HPSE2: variants seen among roughly 807,000 people sequenced by gnomAD.
HPSE2 encodes the protein heparanase 2 (inactive).
A neutral mutation model predicts 60.5 loss-of-function variants in HPSE2; 38 were observed. The observed-to-expected ratio is 0.63, with a 90% CI of 0.48 to 0.82. The LOEUF (loss-of-function observed/expected upper bound fraction) is 0.82. Among genes scored for constraint, HPSE2 ranks in the 40% least tolerant of loss-of-function variants. HPSE2 has a pLI of 0.00. For missense variants in HPSE2, 713 were observed against 740.4 expected (o/e 0.96, Z 0.43); for synonymous variants, 295 against 293.2 (o/e 1.01, Z -0.06).
chr10:98,675,539 T>TACACACACACACACAC (rs774393556), intron 6 of HPSE2, among the ~76,000 whole-genome samples: 11 of 121,488 alleles, frequency 9.1e-5, no homozygotes, highest in African/African-American at 1.7e-4. Context: ...GATCCCTGTC[T>TACACACACACACACAC]ACACACACAC....
intron 3 of HPSE2, among the ~76,000 whole-genome samples, chr10:98,909,652 A>G (rs563749181): frequency 1.3e-5 from 2 of 150,854 alleles, no homozygotes; most frequent in Non-Finnish European, 3.0e-5. Context: ...AAAAAAAATG[A>G]AAAAAAAAGT....
At chr10:99,025,034 G>A (rs1957345137) in intron 3 of HPSE2, among the ~76,000 whole-genome samples, 1 of 152,068 alleles carries the variant, frequency 6.6e-6, no homozygotes, top group South Asian at 2.1e-4. Flanking sequence ...TTATAACATG[G>A]TAACTGTAGT....
At chr10:98,773,606 C>T (rs941152869) in intron 3 of HPSE2, among the ~76,000 whole-genome samples, 3 of 152,140 alleles carry the variant, frequency 2.0e-5, no homozygotes, top group African/African-American at 7.2e-5. Context: ...CTAAAAATCT[C>T]CACTTCTAAA....
At chr10:99,087,220 G>C (rs1843351726) in intron 3 of HPSE2, among the ~76,000 whole-genome samples, 2 of 152,216 alleles carry the variant, frequency 1.3e-5, no homozygotes, top group African/African-American at 4.8e-5. Context: ...AACTTAAATA[G>C]TAATGGGCGG....
At chr10:98,960,730 T>TTTTTTTG (rs1955647062) in intron 3 of HPSE2, among the ~76,000 whole-genome samples, 1 of 24,792 alleles carries the variant, frequency 4.0e-5, no homozygotes, top group Non-Finnish European at 9.1e-5. Flanking sequence ...TGTTTTATTT[T>TTTTTTTG]TTTTATTTTA....
chr10:99,132,169 G>A (rs865927774), intron 3 of HPSE2, among the ~76,000 whole-genome samples: 1 of 8,036 alleles, frequency 1.2e-4, no homozygotes, highest in Non-Finnish European at 6.6e-4. Context: ...AAGAAAGAAA[G>A]AAAGAAAGAA....
intron 9 of HPSE2, among the ~76,000 whole-genome samples, chr10:98,523,305 A>T (rs528306488): frequency 6.6e-6 from 1 of 152,236 alleles, no homozygotes; most frequent in African/African-American, 2.4e-5. Flanking sequence ...CTACTCAAAT[A>T]TTGGAAACAA....
At chr10:98,588,381 T>C (rs10786447) in intron 9 of HPSE2, among the ~76,000 whole-genome samples, 42,726 of 151,954 alleles carry the variant, frequency 0.28, 6,285 homozygotes, top group East Asian at 0.48. Flanking sequence ...TGCAAGTGTT[T>C]GACTTTTCAT....
intron 2 of HPSE2, among the ~76,000 whole-genome samples, chr10:99,229,385 G>A (rs1253611387): frequency 2.6e-5 from 4 of 152,036 alleles, no homozygotes; most frequent in African/African-American, 7.2e-5. Context: ...TCTGCCTTCT[G>A]TAAAAGCTTC....
chr10:99,311,095 A>G, the HPSE2 span, among the ~76,000 whole-genome samples: 1 of 152,236 alleles, frequency 6.6e-6, no homozygotes, highest in Non-Finnish European at 1.5e-5. Context: ...ACAAAAAAGT[A>G]TGATAAACTT....
intron 3 of HPSE2, among the ~76,000 whole-genome samples, chr10:98,890,625 T>C (rs753187210): frequency 5.3e-5 from 8 of 152,114 alleles, no homozygotes; most frequent in Non-Finnish European, 1.2e-4. Context: ...GTAAAACAAA[T>C]AAGTAAATAA....
chr10:98,532,342 T>A (rs1943156497), intron 9 of HPSE2, among the ~76,000 whole-genome samples: 1 of 152,192 alleles, frequency 6.6e-6, no homozygotes, highest in Non-Finnish European at 1.5e-5. Context: ...CCTATTGCTA[T>A]AAAGGGAGTT....
intron 6 of HPSE2, among the ~76,000 whole-genome samples, chr10:98,689,669 T>C (rs2134159673): frequency 6.6e-6 from 1 of 152,252 alleles, no homozygotes; most frequent in East Asian, 1.9e-4. Flanking sequence ...ATTTTTTTTA[T>C]TGTATGTAGC....
rs559352134 is a variant in HPSE2, at chr10:98,743,572, G to C, written c.784+311C>G. On this transcript the variant is annotated intron_variant, in intron 4 of 11. Coordinates refer to ENST00000370552, the MANE Select transcript of HPSE2 (RefSeq NM_021828.5). ...ACACACATTGTAAAAGGCAGCTCAG[G>C]CTGTGCAAACAGGTTATAAAATCAA... is the stretch of plus-strand genomic sequence containing the variant. 5.4e-4 allele frequency among the ~76,000 whole-genome samples: 83 copies of C among 152,304 alleles called. No homozygotes were observed. The South Asian group carries it at 0.016, about 29-fold the overall frequency.
At chr10:98,655,972 T>C (rs562992917) in intron 6 of HPSE2, among the ~76,000 whole-genome samples, 1 of 152,316 alleles carries the variant, frequency 6.6e-6, no homozygotes, top group South Asian at 2.1e-4. Flanking sequence ...TCAGTGAAAC[T>C]GCATTGTGTA....
At chr10:98,746,316 A>C (rs1949628501) in intron 3 of HPSE2, among the ~76,000 whole-genome samples, 1 of 138,238 alleles carries the variant, frequency 7.2e-6, no homozygotes, top group East Asian at 2.0e-4. Flanking sequence ...TCTACATGCC[A>C]TTAGGTAAAA....
chr10:98,573,883 G>A (rs1243352963), intron 9 of HPSE2, among the ~76,000 whole-genome samples: 2 of 152,168 alleles, frequency 1.3e-5, no homozygotes, highest in East Asian at 3.9e-4. Context: ...TTATACAGCT[G>A]TATTGAGATA....
At chr10:98,877,012 G>A (rs1589993996) in intron 3 of HPSE2, among the ~76,000 whole-genome samples, 2 of 151,730 alleles carry the variant, frequency 1.3e-5, no homozygotes, top group Middle Eastern at 3.4e-3. Context: ...CCTTTATATA[G>A]GGCATGCTAT....
chr10:99,261,924 C>G, the HPSE2 span, among the ~76,000 whole-genome samples: 1 of 152,210 alleles, frequency 6.6e-6, no homozygotes, highest in Admixed American at 6.5e-5. Context: ...TTCTCCTCAG[C>G]TGTGTCCCAT....
Sources: gnomAD v4.1 joint callset for allele counts (sites outside exome capture counted in the v4.1 genomes callset) on GRCh38, gnomAD v4.1.1 for gene constraint, MANE v1.5 for transcripts, NCBI Gene and HGNC (gene_info 2026-07-23, HGNC 2026-07-21) for gene names.